RIPOR3: variants seen among roughly 807,000 people sequenced by gnomAD.
The protein encoded by RIPOR3 is RIPOR family member 3.
RIPOR3 carries 95 observed loss-of-function variants against 114.3 expected under a neutral mutation model. The observed-to-expected ratio is 0.83, with a 90% CI of 0.70 to 0.99. RIPOR3 has a LOEUF of 0.99. RIPOR3 is among the 50% of genes least tolerant of loss of function. The pLI, the probability that RIPOR3 is intolerant of heterozygous loss-of-function variation, is 0.00. For synonymous variants in RIPOR3, 575 were observed against 543.8 expected (o/e 1.06, Z -0.80); for missense variants, 1,252 against 1,266.9 (o/e 0.99, Z 0.18).
At chr20:50,658,979 A>G (rs139028075) in intron 1 of RIPOR3, among the ~76,000 whole-genome samples, 1 of 152,276 alleles carries the variant, frequency 6.6e-6, no homozygotes, top group East Asian at 1.9e-4. Context: ...CCAGTGCCAA[A>G]CGGAACTGTT....
chr20:50,590,015 CTAA>C (rs2083059834), intron 19 of RIPOR3: 1 of 399,944 alleles, frequency 2.5e-6, no homozygotes, highest in Non-Finnish European at 4.7e-6. Flanking sequence ...CTATTTTTGT[CTAA>C]TAATATTCCG....
At chr20:50,607,900 A>G (rs1480213515) in intron 11 of RIPOR3, among the ~76,000 whole-genome samples, 2 of 152,300 alleles carry the variant, frequency 1.3e-5, no homozygotes, top group East Asian at 1.9e-4. Context: ...CTTAGAACAG[A>G]GAGCTCTGGA....
chr20:50,661,338 G>A (rs987555856), intron 1 of RIPOR3, among the ~76,000 whole-genome samples: 32 of 151,972 alleles, frequency 2.1e-4, no homozygotes, highest in African/African-American at 6.8e-4. Context: ...ACCTCCCAAA[G>A]TGCTGGGATT....
At position 50,636,661 on chromosome 20, in the gene RIPOR3, G is replaced by A. The variant is rs1031223211; in HGVS notation, c.4-5805C>T. 1.1e-5 allele frequency: 11 copies of A among 985,556 alleles called. No individual in the cohort carries two copies. The South Asian group carries it at 1.9e-4, about 17-fold the overall frequency. The allele number at this position is 985,556 out of a possible 1,614,324, so 61.1% of individuals were successfully genotyped here. On this transcript the variant is annotated intron_variant, in intron 1 of 21. Coordinates refer to ENST00000327979, the MANE Select transcript of RIPOR3 (RefSeq NM_001290268.2). ...TGGCCTGGCACTTAGAACTGATGCC[G>A]TTCAGACCCGGCTGGTGTGTGCAGG...
intron 20 of RIPOR3, among the ~76,000 whole-genome samples, chr20:50,588,777 A>C (rs2083008514): frequency 6.6e-6 from 1 of 151,146 alleles, no homozygotes; most frequent in African/African-American, 2.4e-5. Context: ...AAGAAAAAAA[A>C]CACCACAAAT....
At chr20:50,627,017 G>GAAA (rs1193955700) in intron 2 of RIPOR3, among the ~76,000 whole-genome samples, 2,257 of 123,016 alleles carry the variant, frequency 0.018, 84 homozygotes, top group African/African-American at 0.06. Flanking sequence ...TCCGTCTCAA[G>GAAA]AAAAAAAAAA....
At position 50,635,807 on chromosome 20, in the gene RIPOR3, C is replaced by CT. The variant is rs200474146; in HGVS notation, c.4-4952dup. 6.0e-3 allele frequency among the ~76,000 whole-genome samples: 921 copies of CT among 152,378 alleles called. 4 individuals carry two copies. The highest frequency in any genetic ancestry group is 0.012 in the East Asian group (63 of 5,190). On this transcript the variant is annotated intron_variant, in intron 1 of 21. Transcript: ENST00000327979. Reference sequence around the variant, plus strand: ...ACCGGGGCGCGCTGGACTCCAAAGCCTGGCTTCGGGACTCCGCTGTGCTTG... The same window carrying CT: ...ACCGGGGCGCGCTGGACTCCAAAGCCTTGGCTTCGGGACTCCGCTGTGCTTG...
At chr20:50,653,456 G>A (rs1344860307) in intron 1 of RIPOR3, among the ~76,000 whole-genome samples, 1 of 134,632 alleles carries the variant, frequency 7.4e-6, no homozygotes, top group African/African-American at 2.8e-5. Flanking sequence ...TTTTTTTTTT[G>A]AGACAGCCTC....
rs377276576 is a variant in RIPOR3 at position 50,596,243 on chromosome 20, G to T, written c.1811C>A (p.Pro604Gln). 3.7e-6 allele frequency: 6 copies of T among 1,614,094 alleles called. No individual in the cohort carries two copies. The African/African-American group carries it at 6.7e-5, about 18-fold the overall frequency. ...GGATGACGCTTTCAGTGATGACGGT[G>T]GGGGCAGGGGCCGGTCCTTTCTGAG... ...QGLRKDRPLP[P>Q]PSSLKASSRE... Residue 604 changes from proline to glutamine, a missense_variant, in exon 15 of 22, where the codon CCA becomes CAA. By Grantham distance (76) the Pro-to-Gln change is moderately conservative. Coordinates refer to ENST00000327979, the MANE Select transcript of RIPOR3 (RefSeq NM_001290268.2).
chr20:50,609,767 C>T (rs372598680), intron 6 of RIPOR3, 45 bp from the exon 7 acceptor site: 101 of 1,353,248 alleles, frequency 7.5e-5, no homozygotes, highest in Non-Finnish European at 8.6e-5. Flanking sequence ...CGCGGAGGGG[C>T]GGCCCCACAC....
chr20:50,668,761 G>A (rs1428124242), intron 1 of RIPOR3, among the ~76,000 whole-genome samples: 1 of 152,100 alleles, frequency 6.6e-6, no homozygotes, highest in Non-Finnish European at 1.5e-5. Context: ...GGAGGCTGAG[G>A]CGCGAGAATC....
chr20:50,594,292 A>G (rs2083211728), intron 17 of RIPOR3, among the ~76,000 whole-genome samples: 1 of 151,608 alleles, frequency 6.6e-6, no homozygotes, highest in South Asian at 2.1e-4. Context: ...AAAAAAAAAA[A>G]AAAATGCACC....
Position 50,609,330 on chromosome 20 carries a change from C to T in RIPOR3, c.603G>A (p.Leu201=). Residue 201 remains leucine (L), a synonymous_variant, in exon 8 of 22, where the codon CTG becomes CTA. Coordinates refer to ENST00000327979, the MANE Select transcript of RIPOR3 (RefSeq NM_001290268.2). ...TGTGGAACTCGCCCAGGTGAACCTC[C>T]AGGGCCCCCTCGATGAGCCACATGT... ...AEDMWLIEGA[L]EVHLGEFHIR... 1.2e-6 allele frequency: 2 copies of T among 1,613,958 alleles called. No individual in the cohort carries two copies. Among genetic ancestry groups the T allele is most frequent in the Non-Finnish European group, 8.5e-7 (1 of 1,179,876 alleles).
intron 1 of RIPOR3, among the ~76,000 whole-genome samples, chr20:50,680,986 G>T (rs532316115): frequency 6.6e-6 from 1 of 152,232 alleles, no homozygotes; most frequent in African/African-American, 2.4e-5. Flanking sequence ...GACTTTGGGG[G>T]GCTAAGGCGG....
At chr20:50,629,094 A>G (rs1312336645) in intron 2 of RIPOR3, among the ~76,000 whole-genome samples, 1 of 152,244 alleles carries the variant, frequency 6.6e-6, no homozygotes, top group East Asian at 1.9e-4. Context: ...GCGGGAGGAC[A>G]CACATGTGCT....
intron 1 of RIPOR3, among the ~76,000 whole-genome samples, chr20:50,632,635 T>C (rs968866665): frequency 6.6e-6 from 1 of 152,228 alleles, no homozygotes; most frequent in African/African-American, 2.4e-5. Context: ...ATGGGGAAGT[T>C]GAGGCATCAT....
intron 1 of RIPOR3, among the ~76,000 whole-genome samples, chr20:50,651,588 C>G (rs1240020152): frequency 2.6e-5 from 4 of 152,158 alleles, no homozygotes; most frequent in Admixed American, 6.6e-5. Flanking sequence ...GAACGGTGTT[C>G]GAATCTTGGC....
intron 11 of RIPOR3, among the ~76,000 whole-genome samples, chr20:50,605,588 G>A (rs1370146796): frequency 1.3e-5 from 2 of 151,934 alleles, no homozygotes; most frequent in Non-Finnish European, 2.9e-5. Flanking sequence ...CCATAACCTG[G>A]CAAAACCCCC....
chr20:50,681,225 A>C (rs2086846388), intron 1 of RIPOR3, among the ~76,000 whole-genome samples: 1 of 64,318 alleles, frequency 1.6e-5, no homozygotes, highest in African/African-American at 4.4e-5. Flanking sequence ...ACTCTGTCTC[A>C]AAAAAAAAAA....
Sources: gnomAD v4.1 joint callset for allele counts (sites outside exome capture counted in the v4.1 genomes callset) on GRCh38, gnomAD v4.1.1 for gene constraint, MANE v1.5 for transcripts, NCBI Gene and HGNC (gene_info 2026-07-23, HGNC 2026-07-21) for gene names.